UBA6: variants seen among roughly 807,000 people sequenced by gnomAD.
UBA6 encodes the protein ubiquitin like modifier activating enzyme 6, also known as ubiquitin-like modifier-activating enzyme 6.
A neutral mutation model predicts 148.3 loss-of-function variants in UBA6; 87 were observed. The ratio of observed to expected loss-of-function variants is 0.59; its 90% CI spans 0.49 to 0.70. UBA6 has a LOEUF of 0.70. Ranked by LOEUF, UBA6 falls within the 30% of genes least tolerant of loss-of-function variation. UBA6 has a pLI of 0.00. For missense variants in UBA6, 1,186 were observed against 1,241.2 expected, an observed-to-expected ratio of 0.96 and a Z score of 0.67; for synonymous variants, 376 against 401.0, an observed-to-expected ratio of 0.94 and a Z score of 0.75.
At chr4:67,644,675 A>G in intron 17 of UBA6, 23 bp downstream of exon 17, 1 of 1,371,420 alleles carries the variant, frequency 7.3e-7, no homozygotes, top group Non-Finnish European at 1.0e-6. Flanking sequence ...TAAACTTTTA[A>G]CTCTCAAGAA....
At chr4:67,666,802 G>C (rs1198691671) in intron 9 of UBA6, among the ~76,000 whole-genome samples, 2 of 152,084 alleles carry the variant, frequency 1.3e-5, no homozygotes, top group Non-Finnish European at 2.9e-5. Context: ...TTGGGCCCAG[G>C]AGGCTGAGGC....
intron 18 of UBA6, among the ~76,000 whole-genome samples, chr4:67,639,910 G>A (rs970294467): frequency 1.3e-5 from 2 of 152,130 alleles, no homozygotes; most frequent in African/African-American, 4.8e-5. Context: ...GGTTGACCAT[G>A]GCTAACTGAA....
chr4:67,637,304 C>T lies in UBA6; in HGVS notation c.1736+1639G>A, dbSNP rs187385104. On this transcript the variant is annotated intron_variant, in intron 19 of 32. Transcript: ENST00000322244. ...CCCCTGCCCGGCCAGCCGCCCCGTC[C>T]GGGAGGGAGGTGGGGGCCAGCCCCC... Among the ~76,000 whole-genome samples the T allele has an allele frequency of 9.5e-3, 1,432 of 150,202 alleles. 26 individuals carry two copies. Among genetic ancestry groups the T allele is most frequent in the African/African-American group, 0.033 (1,352 of 40,884 alleles).
At chr4:67,694,257 AACTACCAAATCTTCAGATTCAGTCACTAT>A in intron 2 of UBA6, among the ~76,000 whole-genome samples, 1 of 146,830 alleles carries the variant, frequency 6.8e-6, no homozygotes, top group Non-Finnish European at 1.5e-5. Context: ...AAAAATACAA[AACTACCAAATCTTCAGATTCAGTCACTAT>A]AAAAAAAAAA....
intron 27 of UBA6, among the ~76,000 whole-genome samples, chr4:67,628,175 C>T (rs1728915419): frequency 6.6e-6 from 1 of 151,902 alleles, no homozygotes; most frequent in South Asian, 2.1e-4. Flanking sequence ...TCTTCCACTT[C>T]ACTGGACAAT....
chr4:67,645,327 G>A lies in UBA6; in HGVS notation c.1396-549C>T, dbSNP rs555579667. Among the ~76,000 whole-genome samples the A allele has an allele frequency of 6.6e-5, 10 of 152,292 alleles. No homozygotes were observed. In the South Asian group the frequency reaches 1.5e-3, roughly 22 times the overall value. On this transcript the variant is annotated intron_variant, in intron 16 of 32. Transcript: ENST00000322244. Reference sequence around the variant, plus strand: ...TTAAGAAATACAGAATAGGCTGGGTGAGGTGGCTCACACCTGTAATCCCAG... The same window carrying A: ...TTAAGAAATACAGAATAGGCTGGGTAAGGTGGCTCACACCTGTAATCCCAG...
Position 67,631,663 on chromosome 4 carries a change from G to GA in UBA6, c.2258+44dup, listed in dbSNP as rs749920381. 7.8e-6 allele frequency: 11 copies of GA among 1,416,762 alleles called. No individual in the cohort carries two copies. In the Admixed American group the frequency reaches 1.3e-4, roughly 17 times the overall value. The allele number at this position is 1,416,762 out of a possible 1,614,324, so 87.8% of individuals were successfully genotyped here. Reference sequence around the variant, plus strand: ...GTACAGTTAAGGAATTTACAGTAAAGAAATATATAATGAAGGATACATAAA... The same window carrying GA: ...GTACAGTTAAGGAATTTACAGTAAAGAAAATATATAATGAAGGATACATAAA... On this transcript the variant is annotated intron_variant, in intron 25 of 32. Coordinates refer to ENST00000322244, the MANE Select transcript of UBA6 (RefSeq NM_018227.6).
chr4:67,656,289 C>A (rs1402941543), intron 13 of UBA6, among the ~76,000 whole-genome samples: 1 of 151,956 alleles, frequency 6.6e-6, no homozygotes, highest in African/African-American at 2.4e-5. Context: ...AAATAAAATA[C>A]TGGCAAACTG....
Position 67,619,013 on chromosome 4 carries a change from C to A in UBA6, c.3143G>T (p.Ser1048Ile). 1 of 1,613,936 alleles carries A rather than the reference C, an allele frequency of 6.2e-7. No homozygotes were observed. The highest frequency in any genetic ancestry group is 8.5e-7 in the Non-Finnish European group (1 of 1,179,930). Reference protein sequence around the residue: ...LPGPPVRYYFSHDTD With the variant: ...LPGPPVRYYFIHDTD Reference sequence around the variant, plus strand: ...CAACTTGTATTAATCAGTGTCATGACTGAAGTAGTATCTTACTGGAGGTCC... The same window carrying A: ...CAACTTGTATTAATCAGTGTCATGAATGAAGTAGTATCTTACTGGAGGTCC... Residue 1048 changes from serine to isoleucine, a missense_variant, in exon 33 of 33, where the codon AGT becomes ATT. Coordinates refer to ENST00000322244, the MANE Select transcript of UBA6 (RefSeq NM_018227.6).
intron 5 of UBA6, among the ~76,000 whole-genome samples, chr4:67,677,931 C>A (rs1227291120): frequency 6.6e-6 from 1 of 151,656 alleles, no homozygotes; most frequent in Non-Finnish European, 1.5e-5. Flanking sequence ...CTACAATAAA[C>A]CACACAATCT....
chr4:67,638,010 T>C (rs2109909651), intron 19 of UBA6, among the ~76,000 whole-genome samples: 1 of 151,616 alleles, frequency 6.6e-6, no homozygotes, highest in Admixed American at 6.6e-5. Context: ...GAAAAAAAGC[T>C]AAACTAGATG....
At chr4:67,675,201 C>G (rs914042128) in intron 6 of UBA6, among the ~76,000 whole-genome samples, 1 of 152,158 alleles carries the variant, frequency 6.6e-6, no homozygotes, top group Non-Finnish European at 1.5e-5. Context: ...TCTTTCAATT[C>G]ACTAATGTTT....
chr4:67,676,851 A>G lies in UBA6; in HGVS notation c.465+760T>C, dbSNP rs796424269. Among the ~76,000 whole-genome samples, 3 of 152,086 alleles carry G rather than the reference A, an allele frequency of 2.0e-5. No homozygotes were observed. In the South Asian group the frequency reaches 6.2e-4, roughly 32 times the overall value. On this transcript the variant is annotated intron_variant, in intron 6 of 32. Transcript: ENST00000322244. ...AATTTTAAGTTATCTACTCCAGAACAGAAGTCTATACCCATTTTTAAATGG... is the reference window on the plus strand; with the variant it reads ...AATTTTAAGTTATCTACTCCAGAACGGAAGTCTATACCCATTTTTAAATGG...
chr4:67,665,061 A>G, intron 10 of UBA6, 128 bp downstream of exon 10: 1 of 559,254 alleles, frequency 1.8e-6, no homozygotes, highest in Non-Finnish European at 3.1e-6. Flanking sequence ...GGTACAAACA[A>G]AAAAATAAAA....
chr4:67,662,226 T>C lies in UBA6; in HGVS notation c.1067A>G (p.Lys356Arg). ...GCQQDSEELL[K>R]LATSISETLE... Reference sequence around the variant, plus strand: ...GGTTTCACTTATAGATGTTGCTAGTTTCAACAGTTCTTCTGAATCTTGTTG... The same window carrying C: ...GGTTTCACTTATAGATGTTGCTAGTCTCAACAGTTCTTCTGAATCTTGTTG... Residue 356 changes from lysine (K) to arginine (R), a missense_variant, in exon 13 of 33, where the codon AAA (lysine) becomes AGA (arginine). Coordinates refer to ENST00000322244, the MANE Select transcript of UBA6 (RefSeq NM_018227.6). 6.2e-7 allele frequency: 1 copy of C among 1,613,618 alleles called. No homozygotes were observed. Among genetic ancestry groups the C allele is most frequent in the Non-Finnish European group, 8.5e-7 (1 of 1,179,800 alleles).
At chr4:67,629,312 C>T (rs765151198) in intron 26 of UBA6, among the ~76,000 whole-genome samples, 170 bp from the exon 27 acceptor site, 25 of 151,718 alleles carry the variant, frequency 1.6e-4, no homozygotes, top group East Asian at 7.7e-4. Flanking sequence ...AATATCCCCC[C>T]ATAAAGGTTA....
At position 67,681,543 on chromosome 4, in the gene UBA6, TAC is replaced by T; in HGVS notation, c.258+18_258+19del. ...AAAAAAGGCTCATAACAATTTTTCT[TAC>T]AGAGGACATTTACTTACCTTAATCC... On this transcript the variant is annotated intron_variant, in intron 4 of 32. Coordinates refer to ENST00000322244, the MANE Select transcript of UBA6 (RefSeq NM_018227.6). 3 of 1,552,062 alleles carry T rather than the reference TAC, an allele frequency of 1.9e-6. No individual in the cohort carries two copies. The highest frequency in any genetic ancestry group is 2.6e-6 in the Non-Finnish European group (3 of 1,153,532).
rs71219066 is a variant in UBA6 at position 67,687,034 on chromosome 4, G to GTTT, written c.135-4824_135-4822dup. Among the ~76,000 whole-genome samples the GTTT allele has an allele frequency of 6.5e-3, 537 of 82,520 alleles. 41 individuals carry two copies. Among genetic ancestry groups the GTTT allele is most frequent in the African/African-American group, 0.018 (387 of 21,156 alleles). 54.1% of individuals were successfully genotyped at this position (82,520 alleles called of 152,430 possible). The stretch of plus-strand genomic sequence containing the variant: ...TTTTACATAAAATCTTTAAGACTAT[G>GTTT]TTTTTTTTTTTTTTTTTTTGAGACA... On this transcript the variant is annotated intron_variant, in intron 2 of 32. Transcript: ENST00000322244.
intron 2 of UBA6, among the ~76,000 whole-genome samples, chr4:67,690,176 A>G (rs977612258): frequency 1.3e-5 from 2 of 152,106 alleles, no homozygotes; most frequent in African/African-American, 4.8e-5. Flanking sequence ...ATAAAAAAGT[A>G]GTCTAGTATG....
Sources: allele counts gnomAD v4.1 joint callset (sites outside exome capture counted in the v4.1 genomes callset), GRCh38; gene constraint gnomAD v4.1.1; transcripts MANE v1.5; gene names NCBI Gene and HGNC (gene_info 2026-07-23, HGNC 2026-07-21).